Variants in FIP1L1 observed in about 807,000 individuals in gnomAD.
The protein encoded by FIP1L1 is pre-mRNA 3'-end-processing factor FIP1.
In FIP1L1, 21 loss-of-function variants were observed where a neutral mutation model predicts 84.6. The ratio of observed to expected loss-of-function variants is 0.25; its 90% CI spans 0.18 to 0.36. The LOEUF is 0.36. FIP1L1 is among the 10% of genes least tolerant of loss of function. The pLI, the probability that FIP1L1 is intolerant of heterozygous loss-of-function variation, is 1.00. For synonymous variants in FIP1L1, 263 were observed against 242.3 expected (o/e 1.09, Z -0.80); for missense variants, 526 against 751.1 (o/e 0.70, Z 3.50).
chr4:53,423,743 T>C (rs1373382479), intron 11 of FIP1L1, among the ~76,000 whole-genome samples: 1 of 152,208 alleles, frequency 6.6e-6, no homozygotes, highest in Non-Finnish European at 1.5e-5. Context: ...TTTAGGGATA[T>C]ATACTTGTTA....
At chr4:53,391,311 A>G in intron 8 of FIP1L1, 119 bp from the exon 9 acceptor site, 1 of 1,154,296 alleles carries the variant, frequency 8.7e-7, no homozygotes, top group Non-Finnish European at 1.3e-6. Flanking sequence ...TTCGTATTTA[A>G]TGATTATCTG....
rs1477733492 is a variant in FIP1L1, at chr4:53,405,539, G to C, written c.815+5700G>C. On this transcript the variant is annotated intron_variant, in intron 10 of 17. Transcript: ENST00000337488. ...CTTTAAAGTAGTTTTTTCCAATTCT[G>C]TGAAGAAAGTCATTGGTAGCTTGAT... 1.6e-4 allele frequency among the ~76,000 whole-genome samples: 24 copies of C among 149,408 alleles called. No homozygotes were observed. The East Asian group carries it at 4.5e-3, about 28-fold the overall frequency.
Position 53,397,522 on chromosome 4 carries a change from T to C in FIP1L1, c.706-2208T>C, listed in dbSNP as rs187909112. Among the ~76,000 whole-genome samples, 19 of 152,328 alleles carry C rather than the reference T, an allele frequency of 1.2e-4. No individual in the cohort carries two copies. In the East Asian group the frequency reaches 3.3e-3, roughly 26 times the overall value. On this transcript the variant is annotated intron_variant, in intron 9 of 17. Coordinates refer to ENST00000337488, the MANE Select transcript of FIP1L1 (RefSeq NM_030917.4). Reference sequence around the variant, plus strand: ...CTTCTCATGGCTAAATTAGGTAGTCTCTGTCTGTTGATAAAAAGGCTCATA... The same window carrying C: ...CTTCTCATGGCTAAATTAGGTAGTCCCTGTCTGTTGATAAAAAGGCTCATA...
chr4:53,395,856 A>T (rs1025401256), intron 9 of FIP1L1, among the ~76,000 whole-genome samples: 13 of 151,790 alleles, frequency 8.6e-5, no homozygotes, highest in African/African-American at 3.1e-4. Flanking sequence ...AATAATGAGC[A>T]CTCATCTTGT....
At position 53,458,764 on chromosome 4, in the gene FIP1L1, G is replaced by A. The variant is rs1325210006; in HGVS notation, c.1611G>A (p.Glu537=). 2 of 1,612,598 alleles carry A rather than the reference G, an allele frequency of 1.2e-6. No homozygotes were observed. The highest frequency in any genetic ancestry group is 2.2e-5 in the South Asian group (2 of 90,940). The change falls in exon 17 of 18, where the codon GAG becomes GAA. Residue 537 remains glutamate, a synonymous_variant. Transcript: ENST00000337488. ...GAGAAAGACGACACAGGGAGAAAGA[G>A]GAAACCAGACATAAGTCTTCTCGAA... The part of the protein sequence containing the change: ...RHRERRHREK[E]ETRHKSSRSN...
At chr4:53,437,515 A>G (rs1769924611) in intron 13 of FIP1L1, among the ~76,000 whole-genome samples, 1 of 151,802 alleles carries the variant, frequency 6.6e-6, no homozygotes, top group Non-Finnish European at 1.5e-5. Flanking sequence ...GGAAGCTTAG[A>G]ATCGGATCCA....
At chr4:53,439,520 A>C (rs1770955478) in intron 13 of FIP1L1, among the ~76,000 whole-genome samples, 1 of 152,068 alleles carries the variant, frequency 6.6e-6, no homozygotes, top group East Asian at 1.9e-4. Context: ...GTTTCCTTTG[A>C]CAAGAAAACA....
intron 5 of FIP1L1, among the ~76,000 whole-genome samples, chr4:53,386,832 G>A (rs192750456): frequency 5.9e-5 from 9 of 152,192 alleles, no homozygotes; most frequent in Non-Finnish European, 1.2e-4. Context: ...GTTCTGTTTT[G>A]CTTTGTTTTA....
chr4:53,402,011 G>C (rs1750486594), intron 10 of FIP1L1, among the ~76,000 whole-genome samples: 2 of 152,126 alleles, frequency 1.3e-5, no homozygotes, highest in East Asian at 3.9e-4. Flanking sequence ...AGGAAAATAA[G>C]GATTAACTAG....
intron 10 of FIP1L1, among the ~76,000 whole-genome samples, chr4:53,406,273 G>A (rs1307384154): frequency 6.6e-6 from 1 of 152,078 alleles, no homozygotes; most frequent in Non-Finnish European, 1.5e-5. Flanking sequence ...GATAATCGTG[G>A]TTTTTGTCTT....
intron 4 of FIP1L1, 116 bp downstream of exon 4, chr4:53,382,451 C>A: frequency 2.8e-6 from 2 of 718,772 alleles, no homozygotes. Flanking sequence ...TGTTATCTGG[C>A]CCTTTCTTAC....
chr4:53,454,919 C>T (rs879846027), intron 16 of FIP1L1, among the ~76,000 whole-genome samples: 2 of 152,190 alleles, frequency 1.3e-5, no homozygotes, highest in Non-Finnish European at 2.9e-5. Flanking sequence ...CTACCTTCAT[C>T]AGTGATTTTA....
intron 5 of FIP1L1, among the ~76,000 whole-genome samples, 198 bp from the exon 6 acceptor site, chr4:53,389,611 A>G (rs980923132): frequency 6.6e-6 from 1 of 152,196 alleles, no homozygotes; most frequent in African/African-American, 2.4e-5. Flanking sequence ...TGAGCTCTGG[A>G]GTTCGAGACC....
At chr4:53,382,432 AG>A in intron 4 of FIP1L1, 97 bp downstream of exon 4, 1 of 920,578 alleles carries the variant, frequency 1.1e-6, no homozygotes, top group Non-Finnish European at 1.8e-6. Context: ...CATTACCTTC[AG>A]TATCAGGTGT....
chr4:53,412,705 A>G (rs1022341332), intron 10 of FIP1L1, among the ~76,000 whole-genome samples: 2 of 152,108 alleles, frequency 1.3e-5, no homozygotes, highest in Non-Finnish European at 2.9e-5. Flanking sequence ...GATAATTCTA[A>G]TGCCTTAGTT....
intron 13 of FIP1L1, among the ~76,000 whole-genome samples, chr4:53,431,035 CTA>C (rs1766414374): frequency 6.6e-6 from 1 of 152,194 alleles, no homozygotes. Context: ...GTATTTCTAT[CTA>C]TGTTTCCCTA....
chr4:53,408,356 A>G (rs9992716), intron 10 of FIP1L1, among the ~76,000 whole-genome samples: 19,456 of 151,768 alleles, frequency 0.13, 2,460 homozygotes, highest in African/African-American at 0.31. Flanking sequence ...GTTTCTGCGG[A>G]GAGATCTGCT....
intron 10 of FIP1L1, among the ~76,000 whole-genome samples, chr4:53,408,591 T>G (rs541394140): frequency 2.0e-5 from 3 of 152,344 alleles, no homozygotes; most frequent in Admixed American, 2.0e-4. Flanking sequence ...GCAGAGTATT[T>G]TGCAACTTGG....
At chr4:53,388,701 C>T (rs1344901063) in intron 5 of FIP1L1, among the ~76,000 whole-genome samples, 2 of 152,180 alleles carry the variant, frequency 1.3e-5, no homozygotes, top group African/African-American at 4.8e-5. Flanking sequence ...TTTCTTCTAA[C>T]TTCCCTAGTA....
Sources: gnomAD v4.1 joint callset for allele counts (sites outside exome capture counted in the v4.1 genomes callset) on GRCh38, gnomAD v4.1.1 for gene constraint, MANE v1.5 for transcripts, NCBI Gene and HGNC (gene_info 2026-07-23, HGNC 2026-07-21) for gene names.